Variants in SIK3 observed in about 807,000 individuals in gnomAD.
The protein encoded by SIK3 is SIK family kinase 3.
In SIK3, 28 loss-of-function variants were observed where a neutral mutation model predicts 144.2. The ratio of observed to expected loss-of-function variants is 0.19; its 90% confidence interval spans 0.14 to 0.27. SIK3 has a LOEUF of 0.27. Among genes scored for constraint, SIK3 ranks in the 10% least tolerant of loss-of-function variants. The pLI, the probability that SIK3 is intolerant of heterozygous loss-of-function variation, is 1.00. For synonymous variants in SIK3, 686 were observed against 676.3 expected, an observed-to-expected ratio of 1.01 and a Z score of -0.22; for missense variants, 1,319 against 1,776.0, an observed-to-expected ratio of 0.74 and a Z score of 4.62.
At chr11:117,051,974 T>C (rs1404607029) in intron 1 of SIK3, among the ~76,000 whole-genome samples, 1 of 152,004 alleles carries the variant, frequency 6.6e-6, no homozygotes, top group East Asian at 2.0e-4. Flanking sequence ...AAATCCCGTC[T>C]CTAATAAAAA....
At chr11:116,991,211 G>GCCAAGGTGGGCGGAT (rs1181234314) in intron 1 of SIK3, among the ~76,000 whole-genome samples, 1 of 152,186 alleles carries the variant, frequency 6.6e-6, no homozygotes, top group African/African-American at 2.4e-5. Context: ...ACTTTGGGAG[G>GCCAAGGTGGGCGGAT]CCAAGGTGGG....
rs1944061451 is a variant in SIK3, at chr11:116,873,349, C to A, written c.1737+132G>T. The stretch of plus-strand genomic sequence containing the variant: ...ACTCTACTGGCCTGAAGAAAATGGG[C>A]TGGAGCATCCTAAGTTTGGAGAAAA... On this transcript the variant is annotated intron_variant, in intron 13 of 24. Transcript: ENST00000445177. 6 of 1,228,264 alleles carry A rather than the reference C, an allele frequency of 4.9e-6. No individual in the cohort carries two copies. In the East Asian group the frequency reaches 1.5e-4, roughly 30 times the overall value. The allele number at this position is 1,228,264 out of a possible 1,614,324, so 76.1% of individuals were successfully genotyped here. A position where few individuals can be genotyped will look rare whatever the true frequency, so the allele number is the denominator to read the frequency against.
chr11:117,092,087 G>A (rs568465919), intron 1 of SIK3, among the ~76,000 whole-genome samples: 15 of 152,128 alleles, frequency 9.9e-5, no homozygotes, highest in East Asian at 3.9e-4. Context: ...ATCCAGCCAC[G>A]TTTTAAAAAC....
intron 4 of SIK3, among the ~76,000 whole-genome samples, chr11:116,912,535 A>G (rs1168283885): frequency 6.6e-6 from 1 of 152,226 alleles, no homozygotes; most frequent in Non-Finnish European, 1.5e-5. Flanking sequence ...TAGTGTTCTC[A>G]GTGTCTCTAA....
intron 1 of SIK3, among the ~76,000 whole-genome samples, chr11:117,082,997 T>C (rs1954855008): frequency 6.6e-6 from 1 of 152,102 alleles, no homozygotes; most frequent in African/African-American, 2.4e-5. Context: ...ATTCTTATCC[T>C]GGTATCAGGA....
At chr11:116,930,100 G>C (rs1209248167) in intron 3 of SIK3, among the ~76,000 whole-genome samples, 1 of 149,700 alleles carries the variant, frequency 6.7e-6, no homozygotes, top group Non-Finnish European at 1.5e-5. Context: ...TTTTTTTAAA[G>C]TGTTCACATT....
intron 1 of SIK3, among the ~76,000 whole-genome samples, chr11:117,014,193 T>C (rs1037465266): frequency 7.9e-5 from 12 of 151,646 alleles, no homozygotes; most frequent in Non-Finnish European, 1.2e-4. Context: ...GGGCCTTACT[T>C]ACACAAACAG....
Position 117,002,265 on chromosome 11 carries a change from A to C in SIK3, c.274-45201T>G, listed in dbSNP as rs183428042. Among the ~76,000 whole-genome samples, 256 of 151,910 alleles carry C rather than the reference A, an allele frequency of 1.7e-3. 5 individuals are homozygous for C. The East Asian group carries it at 0.038, about 22-fold the overall frequency. Reference sequence around the variant, plus strand: ...AATGTGGCCCAACACAAATTCATAAACTTTCTTAAAACATTATCACACTTT... The same window carrying C: ...AATGTGGCCCAACACAAATTCATAACCTTTCTTAAAACATTATCACACTTT... On this transcript the variant is annotated intron_variant, in intron 1 of 24. Transcript: ENST00000445177.
At chr11:116,851,712 C>G (rs983744010) in intron 21 of SIK3, among the ~76,000 whole-genome samples, 6 of 152,200 alleles carry the variant, frequency 3.9e-5, no homozygotes, top group African/African-American at 1.4e-4. Context: ...AAAAGAAAAC[C>G]TACACCAGGA....
chr11:116,890,162 G>T (rs1033100449), intron 6 of SIK3, among the ~76,000 whole-genome samples: 11 of 152,190 alleles, frequency 7.2e-5, no homozygotes, highest in Non-Finnish European at 1.6e-4. Context: ...GTGATAGGAG[G>T]TGAGGAGACA....
chr11:116,950,902 G>A (rs750020700), intron 3 of SIK3, among the ~76,000 whole-genome samples: 3 of 152,112 alleles, frequency 2.0e-5, no homozygotes, highest in Non-Finnish European at 4.4e-5. Flanking sequence ...CTTACTCTTA[G>A]GACGATTTCC....
chr11:117,069,580 C>A (rs946887100), intron 1 of SIK3, among the ~76,000 whole-genome samples: 1 of 152,128 alleles, frequency 6.6e-6, no homozygotes, highest in Non-Finnish European at 1.5e-5. Flanking sequence ...AGGGAAATAA[C>A]GGTTTCCTTG....
chr11:116,997,815 C>T (rs976048633), intron 1 of SIK3, among the ~76,000 whole-genome samples: 3 of 152,150 alleles, frequency 2.0e-5, no homozygotes, highest in Non-Finnish European at 2.9e-5. Flanking sequence ...AAGAAGGGGA[C>T]AAAAACGGCA....
intron 11 of SIK3, 27 bp from the exon 12 acceptor site, chr11:116,874,083 G>A: frequency 2.5e-6 from 4 of 1,611,720 alleles, no homozygotes; most frequent in Non-Finnish European, 3.4e-6. Context: ...TGACAGAGAA[G>A]TTTAGTTAAC....
At chr11:117,033,076 C>T (rs1013190296) in intron 1 of SIK3, among the ~76,000 whole-genome samples, 3 of 152,182 alleles carry the variant, frequency 2.0e-5, no homozygotes, top group African/African-American at 7.2e-5. Flanking sequence ...CATCTCTCTC[C>T]ATTTGTAGAA....
At position 116,854,169 on chromosome 11, in the gene SIK3, C is replaced by T. The variant is rs528652464; in HGVS notation, c.3655+3641G>A. Among the ~76,000 whole-genome samples the T allele has an allele frequency of 3.3e-5, 5 of 152,010 alleles. No individual in the cohort carries two copies. In the East Asian group the frequency reaches 9.7e-4, roughly 29 times the overall value. On this transcript the variant is annotated intron_variant, in intron 21 of 24. Transcript: ENST00000445177. The stretch of plus-strand genomic sequence containing the variant: ...GAGCCCAGGAGTTCAAGATCAGCCC[C>T]GGCGACATAGCAAGACCCCATCTAT...
At chr11:116,979,874 A>G (rs1375362979) in intron 1 of SIK3, among the ~76,000 whole-genome samples, 1 of 152,168 alleles carries the variant, frequency 6.6e-6, no homozygotes. Context: ...AAAGAGAGAG[A>G]GAGAGCATAA....
chr11:116,860,339 A>T (rs1282078351), intron 19 of SIK3, among the ~76,000 whole-genome samples: 1 of 152,090 alleles, frequency 6.6e-6, no homozygotes, highest in Non-Finnish European at 1.5e-5. Context: ...CACTTTAAGT[A>T]GGAAGAGCCT....
At chr11:116,907,843 A>C (rs1946126066) in intron 4 of SIK3, among the ~76,000 whole-genome samples, 1 of 152,130 alleles carries the variant, frequency 6.6e-6, no homozygotes, top group Non-Finnish European at 1.5e-5. Flanking sequence ...GAAAAGGATA[A>C]ATTTCTCAAA....
Sources: gnomAD v4.1 joint callset for allele counts (sites outside exome capture counted in the v4.1 genomes callset) on GRCh38, gnomAD v4.1.1 for gene constraint, MANE v1.5 for transcripts, NCBI Gene and HGNC (gene_info 2026-07-23, HGNC 2026-07-21) for gene names.